WWP2: variants seen among roughly 807,000 people sequenced by gnomAD.
WWP2 encodes the protein WW domain containing E3 ubiquitin protein ligase 2.
WWP2 carries 57 observed loss-of-function variants against 121.0 expected under a neutral mutation model. The observed-to-expected ratio is 0.47, with a 90% CI of 0.38 to 0.59. The LOEUF is 0.59. Ranked by LOEUF, WWP2 falls within the 20% of genes least tolerant of loss-of-function variation. The pLI is 0.00. For synonymous variants in WWP2, 449 were observed against 441.3 expected (o/e 1.02, Z -0.22); for missense variants, 962 against 1,158.9 (o/e 0.83, Z 2.47).
intron 7 of WWP2, among the ~76,000 whole-genome samples, 175 bp downstream of exon 7, chr16:69,872,106 C>T (rs1466708274): frequency 6.6e-6 from 1 of 152,214 alleles, no homozygotes; most frequent in Non-Finnish European, 1.5e-5. Flanking sequence ...TCTTCTCTCT[C>T]TGGCATATTC....
rs770375571 is a variant in WWP2 at position 69,937,167 on chromosome 16, G to A, written c.2167G>A (p.Ala723Thr). The part of the protein sequence containing the change: ...FTRGVEEQTK[A>T]FLDGFNEVAP... ...CCGAGGCGTGGAAGAGCAGACCAAA[G>A]CCTTCCTGGATGGCTTCAACGAGGT... is the stretch of plus-strand genomic sequence containing the variant. The change falls in exon 20 of 24, where the codon GCC becomes ACC. Residue 723 changes from alanine to threonine, a missense_variant. Around this residue, in one of 3 missense-constraint regions of WWP2, gnomAD observed 606 missense variants for 772.6 expected, o/e 0.78. Coordinates refer to ENST00000359154, the MANE Select transcript of WWP2 (RefSeq NM_001270454.2). The surrounding 1 kb of genome is among the most constrained non-coding windows in gnomAD (Gnocchi z 6.6). The A allele has an allele frequency of 1.2e-6, 2 of 1,613,960 alleles. No homozygotes were observed. The highest frequency in any genetic ancestry group is 3.3e-5 in the Admixed American group (2 of 59,996).
chr16:69,807,633 A>G (rs1000120139), intron 4 of WWP2, among the ~76,000 whole-genome samples: 2 of 150,214 alleles, frequency 1.3e-5, no homozygotes, highest in African/African-American at 4.9e-5. Flanking sequence ...AAAAAAAAAA[A>G]AAAAAAAAAA....
chr16:69,932,337 A>C (rs534656233), intron 16 of WWP2, among the ~76,000 whole-genome samples: 1 of 152,354 alleles, frequency 6.6e-6, no homozygotes, highest in African/African-American at 2.4e-5. Flanking sequence ...TCTCAAAAAC[A>C]AAACAAACAA....
chr16:69,791,785 G>C (rs2055917071), intron 2 of WWP2, among the ~76,000 whole-genome samples: 1 of 151,970 alleles, frequency 6.6e-6, no homozygotes, highest in African/African-American at 2.4e-5. Flanking sequence ...CTCTTAAAGT[G>C]CTGGGATTAC....
Position 69,937,376 on chromosome 16 carries a change from C to T in WWP2, c.2238+138C>T. The T allele has an allele frequency of 2.1e-6, 3 of 1,441,062 alleles. No individual in the cohort carries two copies. Among genetic ancestry groups the T allele is most frequent in the Middle Eastern group, 1.8e-4 (1 of 5,570 alleles). The allele number at this position is 1,441,062 out of a possible 1,614,324, so 89.3% of individuals were successfully genotyped here. ...GGGCAGATGGGTTTGATTTGGGACC[C>T]ACCCTTCCCCAGACACTTGTTTCAA... On this transcript the variant is annotated intron_variant, in intron 20 of 23. Coordinates refer to ENST00000359154, the MANE Select transcript of WWP2 (RefSeq NM_001270454.2). The surrounding 1 kb of genome is among the most constrained non-coding windows in gnomAD (Gnocchi z 6.6).
At chr16:69,917,960 G>A in intron 10 of WWP2, 77 bp downstream of exon 10, 5 of 1,529,362 alleles carry the variant, frequency 3.3e-6, no homozygotes, top group Non-Finnish European at 3.5e-6. Context: ...GTTCTCTGTT[G>A]ACCTGCTTAG....
At chr16:69,898,027 C>CA (rs1555501271) in intron 8 of WWP2, among the ~76,000 whole-genome samples, 6 of 128,136 alleles carry the variant, frequency 4.7e-5, no homozygotes, top group Admixed American at 8.5e-5. Flanking sequence ...TTCTTTCTTT[C>CA]TTTTTTTTTT....
chr16:69,769,161 C>G (rs113547936), intron 1 of WWP2, among the ~76,000 whole-genome samples: 2,750 of 151,916 alleles, frequency 0.018, 81 homozygotes, highest in African/African-American at 0.059. Flanking sequence ...ACTAAAAATA[C>G]AAAAAACTAG....
intron 8 of WWP2, among the ~76,000 whole-genome samples, chr16:69,907,967 G>A (rs980918363): frequency 5.3e-5 from 8 of 152,340 alleles, no homozygotes; most frequent in South Asian, 4.1e-4. Flanking sequence ...TAAGCCGGGT[G>A]CGGTGGCTCA....
At chr16:69,804,634 T>C (rs2056238460) in intron 4 of WWP2, among the ~76,000 whole-genome samples, 1 of 152,158 alleles carries the variant, frequency 6.6e-6, no homozygotes. Flanking sequence ...TTTCAAAGTC[T>C]TCATGCTTCT....
At chr16:69,882,775 A>G (rs747012689) in intron 7 of WWP2, among the ~76,000 whole-genome samples, 10 of 152,260 alleles carry the variant, frequency 6.6e-5, no homozygotes, top group Non-Finnish European at 7.3e-5. Context: ...AGATGGGTGC[A>G]GTCCTTTTGG....
intron 1 of WWP2, among the ~76,000 whole-genome samples, chr16:69,771,140 GT>G (rs2055405639): frequency 6.6e-6 from 1 of 152,152 alleles, no homozygotes; most frequent in Non-Finnish European, 1.5e-5. Context: ...CTGAAAGGTT[GT>G]TGCTGAGGTA....
At chr16:69,917,558 GGCAACCACAGATGTCT>G in intron 9 of WWP2, 135 bp from the exon 10 acceptor site, 1 of 807,788 alleles carries the variant, frequency 1.2e-6, no homozygotes, top group Non-Finnish European at 1.9e-6. Flanking sequence ...GTGCTGCAGA[GGCAACCACAGATGTCT>G]GCTATAATCA....
intron 2 of WWP2, among the ~76,000 whole-genome samples, chr16:69,796,080 G>A (rs930585578): frequency 4.0e-5 from 6 of 151,476 alleles, no homozygotes; most frequent in African/African-American, 1.2e-4. Context: ...AATAAAGTCT[G>A]TAAATTAAAT....
At chr16:69,912,235 G>A (rs2058388639) in intron 9 of WWP2, among the ~76,000 whole-genome samples, 2 of 151,728 alleles carry the variant, frequency 1.3e-5, no homozygotes, top group Non-Finnish European at 2.9e-5. Flanking sequence ...GTTACAGTGA[G>A]CTGAGATTGC....
At chr16:69,775,554 T>C (rs182552386) in intron 1 of WWP2, among the ~76,000 whole-genome samples, 13 of 152,356 alleles carry the variant, frequency 8.5e-5, no homozygotes, top group Non-Finnish European at 1.6e-4. Flanking sequence ...TCTATTCTCA[T>C]GTGTTGTCTG....
chr16:69,788,566 C>T (rs139415489), intron 2 of WWP2, among the ~76,000 whole-genome samples: 116 of 152,242 alleles, frequency 7.6e-4, no homozygotes, highest in African/African-American at 2.4e-3. Context: ...AAATGCTTTT[C>T]GCTTCATTAT....
chr16:69,908,673 C>G, intron 8 of WWP2, 88 bp from the exon 9 acceptor site: 1 of 1,570,136 alleles, frequency 6.4e-7, no homozygotes, highest in Non-Finnish European at 8.6e-7. Context: ...TGTAAATTAG[C>G]CACATGAGTG....
At chr16:69,815,370 C>T (rs897733995) in intron 4 of WWP2, among the ~76,000 whole-genome samples, 56 of 152,052 alleles carry the variant, frequency 3.7e-4, no homozygotes, top group East Asian at 3.9e-4. Flanking sequence ...TACAGTGGCT[C>T]GAGCATAGCT....
Sources: gnomAD v4.1 joint callset for allele counts (sites outside exome capture counted in the v4.1 genomes callset) on GRCh38, gnomAD v4.1.1 for gene constraint, gnomAD v4.1.1 regional missense constraint, Gnocchi (gnomAD v3.1) non-coding constraint, MANE v1.5 for transcripts, NCBI Gene and HGNC (gene_info 2026-07-23, HGNC 2026-07-21) for gene names.